MNAT1: variants seen among roughly 807,000 people sequenced by gnomAD.
The protein encoded by MNAT1 is MNAT1 component of CDK activating kinase, also known as CDK-activating kinase assembly factor MAT1.
Under a neutral mutation model 42.0 loss-of-function variants are expected in MNAT1, and 43 were observed. The observed-to-expected ratio is 1.02, with a 90% CI of 0.80 to 1.32. The LOEUF is 1.32. MNAT1 is among the 40% of genes most tolerant of loss of function. The pLI is 0.00. For synonymous variants in MNAT1, 118 were observed against 120.0 expected, an observed-to-expected ratio of 0.98 and a Z score of 0.11; for missense variants, 306 against 350.4, an observed-to-expected ratio of 0.87 and a Z score of 1.01.
At chr14:60,962,021 A>T (rs1345474708) in intron 7 of MNAT1, among the ~76,000 whole-genome samples, 2 of 152,188 alleles carry the variant, frequency 1.3e-5, no homozygotes, top group Non-Finnish European at 2.9e-5. Context: ...CTTGTTCCTC[A>T]TTGGGATACA....
rs61278549 is a variant in MNAT1, at chr14:60,746,923, TACACACACACACACACACACAC to T, written c.89+12006_89+12027del. Among the ~76,000 whole-genome samples, 183 of 25,662 alleles carry T rather than the reference TACACACACACACACACACACAC, an allele frequency of 7.1e-3. 15 individuals are homozygous for T. The highest frequency in any genetic ancestry group is 9.2e-3 in the South Asian group (6 of 652). 16.8% of individuals were successfully genotyped at this position (25,662 alleles called of 152,430 possible). Reference sequence around the variant, plus strand: ...ATATATATATATATATATATATATATACACACACACACACACACACACACACACACACACACACACACACACA... The same window carrying T: ...ATATATATATATATATATATATATATACACACACACACACACACACACACA... On this transcript the variant is annotated intron_variant, in intron 1 of 7. Transcript: ENST00000261245.
At chr14:60,836,900 T>A (rs952223299) in intron 6 of MNAT1, among the ~76,000 whole-genome samples, 1 of 152,176 alleles carries the variant, frequency 6.6e-6, no homozygotes, top group African/African-American at 2.4e-5. Context: ...ATAAGCCCCT[T>A]ACTGGGGCTG....
intron 6 of MNAT1, among the ~76,000 whole-genome samples, chr14:60,841,009 A>G (rs1299194674): frequency 1.3e-5 from 2 of 152,052 alleles, no homozygotes; most frequent in Non-Finnish European, 2.9e-5. Flanking sequence ...CTTGGTGAAT[A>G]TTGTTTTGTG....
intron 6 of MNAT1, among the ~76,000 whole-genome samples, chr14:60,864,559 CAGTGCTTGGCACAT>C (rs888432294): frequency 1.3e-5 from 2 of 151,992 alleles, no homozygotes; most frequent in African/African-American, 4.8e-5. Flanking sequence ...ATGCCTAACA[CAGTGCTTGGCACAT>C]AGTAGATGTT....
intron 3 of MNAT1, among the ~76,000 whole-genome samples, chr14:60,802,150 G>A (rs1479256623): frequency 6.6e-6 from 1 of 152,084 alleles, no homozygotes; most frequent in African/African-American, 2.4e-5. Flanking sequence ...AAGGGGAGCT[G>A]TATGGAGTTA....
At chr14:60,836,953 T>C (rs2033408116) in intron 6 of MNAT1, among the ~76,000 whole-genome samples, 1 of 152,216 alleles carries the variant, frequency 6.6e-6, no homozygotes, top group South Asian at 2.1e-4. Flanking sequence ...AGGAGGAATC[T>C]AGAGAGGCAG....
intron 6 of MNAT1, among the ~76,000 whole-genome samples, chr14:60,877,096 A>G (rs1354708672): frequency 6.6e-6 from 1 of 152,054 alleles, no homozygotes; most frequent in Non-Finnish European, 1.5e-5. Context: ...ACAAACATTT[A>G]GCATTTTCTG....
chr14:60,894,339 A>G (rs1594843146), intron 7 of MNAT1, among the ~76,000 whole-genome samples: 1 of 149,310 alleles, frequency 6.7e-6, no homozygotes, highest in African/African-American at 2.5e-5. Context: ...TGCTGATTTT[A>G]TTGGGTCTGT....
At chr14:60,916,763 G>C (rs1314954085) in intron 7 of MNAT1, among the ~76,000 whole-genome samples, 1 of 152,102 alleles carries the variant, frequency 6.6e-6, no homozygotes, top group Admixed American at 6.5e-5. Flanking sequence ...ATCAGACTGG[G>C]CAACGTGGTG....
At chr14:60,904,556 A>G (rs4151328) in intron 7 of MNAT1, among the ~76,000 whole-genome samples, 2,596 of 152,304 alleles carry the variant, frequency 0.017, 109 homozygotes, top group South Asian at 0.11. Flanking sequence ...TTTCATCAAC[A>G]GTCAGACACA....
Position 60,917,716 on chromosome 14 carries a change from G to A in MNAT1, c.809+37881G>A, listed in dbSNP as rs560147424. Among the ~76,000 whole-genome samples, 19 of 150,804 alleles carry A rather than the reference G, an allele frequency of 1.3e-4. No individual in the cohort carries two copies. The South Asian group carries it at 3.4e-3, about 27-fold the overall frequency. On this transcript the variant is annotated intron_variant, in intron 7 of 7. Coordinates refer to ENST00000261245, the MANE Select transcript of MNAT1 (RefSeq NM_002431.4). Reference sequence around the variant, plus strand: ...CGGCTCACTGCAACCTCCACCTCCCGGGTTCAAGTGATTCTTCTGCCTCAG... The same window carrying A: ...CGGCTCACTGCAACCTCCACCTCCCAGGTTCAAGTGATTCTTCTGCCTCAG...
In MNAT1 at chr14:60,857,018, T is replaced by G. The variant is rs551920393; in HGVS notation, c.688-22696T>G. Among the ~76,000 whole-genome samples, 22 of 152,256 alleles carry G rather than the reference T, an allele frequency of 1.4e-4. No homozygotes were observed. In the South Asian group the frequency reaches 4.6e-3, roughly 32 times the overall value. ...GAAAATCCTAGGGTCTTTAAGAATT[T>G]TGCTAAATTTACTCCACCTGTGCTC... is the stretch of plus-strand genomic sequence containing the variant. On this transcript the variant is annotated intron_variant, in intron 6 of 7. Transcript: ENST00000261245.
chr14:60,929,845 A>AT (rs766740490), intron 7 of MNAT1, among the ~76,000 whole-genome samples: 16 of 152,146 alleles, frequency 1.1e-4, no homozygotes, highest in Non-Finnish European at 4.4e-5. Flanking sequence ...ATAAGTATTT[A>AT]TTATTACTGT....
At chr14:60,807,265 C>G (rs2032401058) in intron 3 of MNAT1, among the ~76,000 whole-genome samples, 1 of 152,166 alleles carries the variant, frequency 6.6e-6, no homozygotes, top group South Asian at 2.1e-4. Flanking sequence ...ACAAAACAAG[C>G]AACTCTGTGT....
intron 6 of MNAT1, among the ~76,000 whole-genome samples, chr14:60,822,459 G>T (rs1362483474): frequency 6.6e-6 from 1 of 152,040 alleles, no homozygotes; most frequent in Non-Finnish European, 1.5e-5. Context: ...ACAGGATCTT[G>T]TTCTGTTACT....
At chr14:60,738,068 A>G (rs1896357940) in intron 1 of MNAT1, among the ~76,000 whole-genome samples, 1 of 89,912 alleles carries the variant, frequency 1.1e-5, no homozygotes, top group Non-Finnish European at 2.4e-5. Context: ...CCAGGAGGGA[A>G]ACCCTATCTT....
chr14:60,911,876 T>G (rs978695893), intron 7 of MNAT1, among the ~76,000 whole-genome samples: 3 of 152,060 alleles, frequency 2.0e-5, no homozygotes, highest in African/African-American at 7.2e-5. Flanking sequence ...TGGATATCCT[T>G]GTTAACTTTC....
intron 7 of MNAT1, among the ~76,000 whole-genome samples, chr14:60,923,106 T>C (rs1241131831): frequency 1.3e-5 from 2 of 152,194 alleles, no homozygotes; most frequent in South Asian, 2.1e-4. Flanking sequence ...ATGTACACTT[T>C]CCTGGAATAA....
chr14:60,746,129 G>A (rs1896606744), intron 1 of MNAT1, among the ~76,000 whole-genome samples: 1 of 152,070 alleles, frequency 6.6e-6, no homozygotes, highest in African/African-American at 2.4e-5. Context: ...CGAGTTATAG[G>A]CCAGCCATTT....
Sources: gnomAD v4.1 joint callset for allele counts (sites outside exome capture counted in the v4.1 genomes callset) on GRCh38, gnomAD v4.1.1 for gene constraint, MANE v1.5 for transcripts, NCBI Gene and HGNC (gene_info 2026-07-23, HGNC 2026-07-21) for gene names.